Variants in ACTR3C observed in about 807,000 individuals in gnomAD.
ACTR3C encodes the protein actin-related protein 3C.
ACTR3C carries 18 observed loss-of-function variants against 26.3 expected under a neutral mutation model. The observed-to-expected ratio is 0.68, with a 90% CI of 0.47 to 1.01. The LOEUF (loss-of-function observed/expected upper bound fraction) is 1.01. Among genes scored for constraint, ACTR3C ranks in the 50% least tolerant of loss-of-function variants. The pLI, the probability that ACTR3C is intolerant of heterozygous loss-of-function variation, is 0.00. For synonymous variants in ACTR3C, 55 were observed against 94.5 expected, an observed-to-expected ratio of 0.58 and a Z score of 2.42; for missense variants, 184 against 250.7, an observed-to-expected ratio of 0.73 and a Z score of 1.80.
the ACTR3C span, among the ~76,000 whole-genome samples, chr7:150,218,376 AT>A: frequency 2.0e-5 from 3 of 152,098 alleles, no homozygotes; most frequent in Non-Finnish European, 2.9e-5. Context: ...GGAACTGAAT[AT>A]TTTTTTTCCT....
Position 150,281,201 on chromosome 7 carries a change from G to A in ACTR3C, c.564+3552C>T, listed in dbSNP as rs531331535. The stretch of plus-strand genomic sequence containing the variant: ...ACTGCATAGTGAACCAAGAGGAAAG[G>A]CACACCCCTAAGACACAGGAATGCG... On this transcript the variant is annotated intron_variant, in intron 6 of 7. Transcript: ENST00000683684. 5.3e-5 allele frequency among the ~76,000 whole-genome samples: 8 copies of A among 152,154 alleles called. No individual in the cohort carries two copies. In the East Asian group the frequency reaches 7.7e-4, roughly 15 times the overall value.
intron 6 of ACTR3C, among the ~76,000 whole-genome samples, chr7:150,273,278 C>A (rs1472867086): frequency 7.5e-6 from 1 of 133,564 alleles, no homozygotes; most frequent in Middle Eastern, 3.2e-3. Flanking sequence ...AGAGCACAGA[C>A]CAACCTTTTT....
chr7:150,209,206 C>CAG, the ACTR3C span, among the ~76,000 whole-genome samples: 1,100 of 135,240 alleles, frequency 8.1e-3, 42 homozygotes, highest in African/African-American at 0.03. Context: ...CACACACATA[C>CAG]AGAGAGAGAG....
the ACTR3C span, among the ~76,000 whole-genome samples, chr7:150,176,239 A>T: frequency 5.3e-5 from 8 of 150,994 alleles, no homozygotes; most frequent in Non-Finnish European, 1.2e-4. Context: ...TGAAAAGTCA[A>T]ACCACATGAT....
the ACTR3C span, among the ~76,000 whole-genome samples, chr7:150,075,460 A>G: frequency 1.3e-5 from 2 of 151,006 alleles, no homozygotes; most frequent in African/African-American, 4.9e-5. Context: ...CAAGACTCTC[A>G]TTGGTTTATA....
At chr7:150,105,282 C>A in the ACTR3C span, among the ~76,000 whole-genome samples, 28 of 151,746 alleles carry the variant, frequency 1.8e-4, no homozygotes, top group Non-Finnish European at 3.8e-4. Context: ...CGGGGTTTCA[C>A]CGTGTTAGAC....
At chr7:150,080,975 T>G in the ACTR3C span, among the ~76,000 whole-genome samples, 1 of 152,198 alleles carries the variant, frequency 6.6e-6, no homozygotes, top group Non-Finnish European at 1.5e-5. Context: ...ATTATAAAAG[T>G]GTTTCTTCTT....
At chr7:150,135,164 C>T in the ACTR3C span, among the ~76,000 whole-genome samples, 2 of 152,296 alleles carry the variant, frequency 1.3e-5, no homozygotes, top group Admixed American at 6.5e-5. Context: ...CCCAGCTACT[C>T]GGGAGGCTGA....
At chr7:149,912,184 C>G in the ACTR3C span, among the ~76,000 whole-genome samples, 2 of 151,318 alleles carry the variant, frequency 1.3e-5, no homozygotes, top group Non-Finnish European at 2.9e-5. Context: ...ACCTGATAGG[C>G]CTTCAACAAC....
At chr7:150,121,906 G>T in the ACTR3C span, among the ~76,000 whole-genome samples, 1 of 152,066 alleles carries the variant, frequency 6.6e-6, no homozygotes, top group Non-Finnish European at 1.5e-5. Flanking sequence ...GCAGAACAGA[G>T]GCCTCAGAAG....
chr7:150,057,441 T>C, the ACTR3C span, among the ~76,000 whole-genome samples: 18 of 152,110 alleles, frequency 1.2e-4, no homozygotes, highest in Admixed American at 1.1e-3. Context: ...CCACCAGAGC[T>C]GGCTAATTTT....
the ACTR3C span, among the ~76,000 whole-genome samples, chr7:150,040,004 C>T: frequency 2.4e-3 from 334 of 140,090 alleles, 14 homozygotes; most frequent in African/African-American, 8.3e-3. Context: ...CGATAGTGGT[C>T]CCAAGAGCCA....
the ACTR3C span, among the ~76,000 whole-genome samples, chr7:150,233,516 T>G: frequency 1.3e-5 from 2 of 151,022 alleles, no homozygotes; most frequent in Non-Finnish European, 2.9e-5. Flanking sequence ...CTTCTCCTTC[T>G]GGTATTCCAA....
At chr7:150,249,614 C>A (rs1832692277) in intron 6 of ACTR3C, among the ~76,000 whole-genome samples, 1 of 152,062 alleles carries the variant, frequency 6.6e-6, no homozygotes, top group Non-Finnish European at 1.5e-5. Context: ...ACACAACACC[C>A]AGCTAATTTT....
the ACTR3C span, among the ~76,000 whole-genome samples, chr7:150,151,157 A>G: frequency 7.9e-5 from 10 of 126,946 alleles, 1 homozygote; most frequent in Admixed American, 3.3e-4. Flanking sequence ...AGCTTCTATT[A>G]TACAGTATTA....
intron 6 of ACTR3C, among the ~76,000 whole-genome samples, chr7:150,282,413 G>C (rs1469070078): frequency 1.3e-5 from 2 of 151,772 alleles, no homozygotes; most frequent in Non-Finnish European, 2.9e-5. Context: ...GGCAAAGGAG[G>C]TGACCTCCTT....
the ACTR3C span, among the ~76,000 whole-genome samples, chr7:150,165,872 G>A: frequency 6.6e-6 from 1 of 151,428 alleles, no homozygotes; most frequent in Non-Finnish European, 1.5e-5. Context: ...CATGTGCAAG[G>A]AGACCTGACA....
chr7:150,169,100 G>C, the ACTR3C span, among the ~76,000 whole-genome samples: 1 of 150,452 alleles, frequency 6.6e-6, no homozygotes, highest in South Asian at 2.1e-4. Flanking sequence ...AGATGGAGGG[G>C]GCTGGGCACG....
At chr7:150,218,390 T>C in the ACTR3C span, among the ~76,000 whole-genome samples, 1 of 152,246 alleles carries the variant, frequency 6.6e-6, no homozygotes. Context: ...TTTTTCCTTC[T>C]AGCTAATGGA....
Sources: gnomAD v4.1 joint callset for allele counts (sites outside exome capture counted in the v4.1 genomes callset) on GRCh38, gnomAD v4.1.1 for gene constraint, MANE v1.5 for transcripts, NCBI Gene and HGNC (gene_info 2026-07-23, HGNC 2026-07-21) for gene names.